The following FAT3 variants were observed in gnomAD, a reference collection of about 807,000 sequenced individuals.
The protein encoded by FAT3 is FAT atypical cadherin 3.
A neutral mutation model predicts 310.2 loss-of-function variants in FAT3; 95 were observed. That is an observed-to-expected ratio of 0.31 (90% CI 0.26 to 0.36). FAT3 has a LOEUF of 0.36. Ranked by LOEUF, FAT3 falls within the 10% of genes least tolerant of loss-of-function variation. The pLI, the probability that FAT3 is intolerant of heterozygous loss-of-function variation, is 1.00. For synonymous variants in FAT3, 2,314 were observed against 2,192.9 expected (o/e 1.06, Z -1.54); for missense variants, 5,408 against 5,715.6 (o/e 0.95, Z 1.74).
chr11:92,826,787 A>G (rs966513422), intron 13 of FAT3, among the ~76,000 whole-genome samples: 1 of 152,126 alleles, frequency 6.6e-6, no homozygotes, highest in East Asian at 1.9e-4. Context: ...TTTGTGTGCC[A>G]CCTGCAGGCT....
At position 92,896,236 on chromosome 11, in the gene FAT3, G is replaced by T. The variant is rs1950029307; in HGVS notation, c.*5123G>T. 6.6e-6 allele frequency: 1 copy of T among 151,134 alleles called. No homozygotes were observed. Among genetic ancestry groups the T allele is most frequent in the Non-Finnish European group, 1.5e-5 (1 of 67,910 alleles). The allele number at this position is 151,134 out of a possible 1,614,324, so 9.4% of individuals were successfully genotyped here. On this transcript the variant is annotated 3_prime_UTR_variant, in exon 28 of 28. Transcript: ENST00000525166. ...AAAGCTAACACTTAGAGTGGATTTTGTCCCTTAAGGAAATGGATTGTTCCT... is the reference window on the plus strand; with the variant it reads ...AAAGCTAACACTTAGAGTGGATTTTTTCCCTTAAGGAAATGGATTGTTCCT...
At chr11:92,276,195 T>C (rs1946265449) in intron 1 of FAT3, among the ~76,000 whole-genome samples, 1 of 152,210 alleles carries the variant, frequency 6.6e-6, no homozygotes, top group African/African-American at 2.4e-5. Flanking sequence ...CTTTTTTATT[T>C]GTATTAATAT....
In FAT3 at chr11:92,866,925, A is replaced by G. The variant is rs376272689; in HGVS notation, c.11843A>G (p.Gln3948Arg). ...CGGCGCCGGGCGCCCCTCTACTTCC[A>G]GACGCTGAGCACTGAGAGTAGCATC... ...VERRRAPLYFQTLSTESSIYF... is the reference protein window; with the variant it reads ...VERRRAPLYFRTLSTESSIYF... Residue 3948 changes from glutamine (Q) to arginine (R), a missense_variant, in exon 22 of 28, where the codon CAG becomes CGG. Physicochemically the swap from Gln to Arg is conservative, Grantham distance 43. This residue lies in a region of FAT3 where 4,588 missense variants were observed against 4,809.8 expected (regional missense o/e 0.95). Coordinates refer to ENST00000525166, the MANE Select transcript of FAT3 (RefSeq NM_001367949.2). 1.7e-4 allele frequency: 272 copies of G among 1,613,824 alleles called. No homozygotes were observed. The highest frequency in any genetic ancestry group is 2.2e-4 in the Non-Finnish European group (262 of 1,179,892).
intron 1 of FAT3, among the ~76,000 whole-genome samples, chr11:92,246,266 C>G (rs894419318): frequency 6.6e-6 from 1 of 151,884 alleles, no homozygotes; most frequent in Non-Finnish European, 1.5e-5. Flanking sequence ...TAAGAGGCTA[C>G]GAGGAAAACA....
At position 92,685,920 on chromosome 11, in the gene FAT3, A is replaced by G. The variant is rs563317056; in HGVS notation, c.3608-11464A>G. Among the ~76,000 whole-genome samples, 26 of 152,334 alleles carry G rather than the reference A, an allele frequency of 1.7e-4. 1 individual carries two copies. The Middle Eastern group carries it at 0.01, about 60-fold the overall frequency. On this transcript the variant is annotated intron_variant, in intron 3 of 27. Transcript: ENST00000525166. ...CAGCATTTCTTCCAAGGAGTTATAA[A>G]GCAGTTATAAATAATACTAATCTCT...
At chr11:92,824,858 C>T (rs3847535) in intron 13 of FAT3, among the ~76,000 whole-genome samples, 39,968 of 151,566 alleles carry the variant, frequency 0.26, 5,825 homozygotes, top group Non-Finnish European at 0.33. Context: ...AACTATATTT[C>T]TATGCCATTA....
At chr11:92,559,744 G>T (rs1162127951) in intron 3 of FAT3, among the ~76,000 whole-genome samples, 1 of 152,072 alleles carries the variant, frequency 6.6e-6, no homozygotes, top group Admixed American at 6.6e-5. Context: ...TTTGTGACTG[G>T]TTTCTTTCAC....
intron 2 of FAT3, among the ~76,000 whole-genome samples, chr11:92,519,396 A>T (rs1488681125): frequency 6.6e-6 from 1 of 152,168 alleles, no homozygotes; most frequent in Admixed American, 6.6e-5. Flanking sequence ...AAAATGGATC[A>T]TAGATATAAA....
intron 2 of FAT3, among the ~76,000 whole-genome samples, chr11:92,457,528 C>T (rs1450794699): frequency 6.6e-6 from 1 of 152,018 alleles, no homozygotes; most frequent in Non-Finnish European, 1.5e-5. Flanking sequence ...GAACATTAGT[C>T]GATATCCTGG....
chr11:92,564,794 CATA>C (rs2135481843), intron 3 of FAT3, among the ~76,000 whole-genome samples: 1 of 147,236 alleles, frequency 6.8e-6, no homozygotes, highest in South Asian at 2.3e-4. Context: ...CTACTGGGTA[CATA>C]ACGAAATGAA....
intron 4 of FAT3, among the ~76,000 whole-genome samples, chr11:92,761,636 A>T (rs1946153674): frequency 6.6e-6 from 1 of 152,164 alleles, no homozygotes; most frequent in South Asian, 2.1e-4. Context: ...GATCTCATTT[A>T]ACCTTAATAA....
chr11:92,659,066 A>G (rs2135786985), intron 3 of FAT3, among the ~76,000 whole-genome samples: 1 of 152,198 alleles, frequency 6.6e-6, no homozygotes, highest in South Asian at 2.1e-4. Flanking sequence ...TTCTTGTACT[A>G]CATGTCAAGC....
At chr11:92,460,818 T>C (rs1951619815) in intron 2 of FAT3, among the ~76,000 whole-genome samples, 1 of 152,222 alleles carries the variant, frequency 6.6e-6, no homozygotes, top group Admixed American at 6.5e-5. Context: ...GTTGTAGATA[T>C]GTAACAGGAA....
rs764561006 is a variant in FAT3 at position 92,801,253 on chromosome 11, G to A, written c.8240G>A (p.Arg2747Gln). 81 of 1,613,684 alleles carry A rather than the reference G, an allele frequency of 5.0e-5. No individual in the cohort carries two copies. The highest frequency in any genetic ancestry group is 6.3e-5 in the Non-Finnish European group (74 of 1,179,850). ...NVWFSTVNGE[R>Q]PENNKGGIFV... ...TGGTTCAGCACAGTTAATGGGGAAC[G>A]GCCAGAAAATAACAAAGGGGGCATA... Residue 2747 changes from arginine (R) to glutamine (Q), a missense_variant, in exon 10 of 28, where the codon CGG becomes CAG. Arg to Gln is a conservative substitution (Grantham distance 43). Transcript: ENST00000525166.
intron 4 of FAT3, among the ~76,000 whole-genome samples, chr11:92,727,644 C>A (rs2135989363): frequency 6.6e-6 from 1 of 152,232 alleles, no homozygotes; most frequent in South Asian, 2.1e-4. Flanking sequence ...CCGACATAGA[C>A]CATGGGCAGC....
chr11:92,809,395 G>A (rs558202151), intron 12 of FAT3, among the ~76,000 whole-genome samples: 1 of 152,286 alleles, frequency 6.6e-6, no homozygotes, highest in East Asian at 1.9e-4. Context: ...AGTATCTGGA[G>A]GCAAAGAGAC....
rs145040480 is a variant in FAT3 at position 92,614,605 on chromosome 11, T to A, written c.3608-82779T>A. ...ATAGCCGCTCATTTGGTATTCTGGA[T>A]AGAAATTCTTCGTATGATTTATGAT... is the stretch of plus-strand genomic sequence containing the variant. On this transcript the variant is annotated intron_variant, in intron 3 of 27. Coordinates refer to ENST00000525166, the MANE Select transcript of FAT3 (RefSeq NM_001367949.2). 3.9e-4 allele frequency among the ~76,000 whole-genome samples: 59 copies of A among 152,328 alleles called. No homozygotes were observed. In the East Asian group the frequency reaches 9.9e-3, roughly 25 times the overall value.
chr11:92,445,677 G>GT (rs1312316139), intron 2 of FAT3, among the ~76,000 whole-genome samples: 2 of 152,128 alleles, frequency 1.3e-5, no homozygotes, highest in African/African-American at 4.8e-5. Flanking sequence ...GTATATATGT[G>GT]TGTATGCATT....
At position 92,831,802 on chromosome 11, in the gene FAT3, C is replaced by G. The variant is rs773544802; in HGVS notation, c.9662C>G (p.Thr3221Ser). The change falls in exon 14 of 28, where the codon ACT becomes AGT. Residue 3221 changes from threonine (T) to serine (S), a missense_variant. Thr to Ser is a moderately conservative substitution (Grantham distance 58). Transcript: ENST00000525166. Reference sequence around the variant, plus strand: ...GGACAGTCCCTGTCCTCTCTCACTACTGTCACCATCACCGTTCTGGACATT... The same window carrying G: ...GGACAGTCCCTGTCCTCTCTCACTAGTGTCACCATCACCGTTCTGGACATT... Reference protein sequence around the residue: ...SPGQSLSSLTTVTITVLDIND... With the variant: ...SPGQSLSSLTSVTITVLDIND... The G allele has an allele frequency of 1.3e-5, 21 of 1,613,528 alleles. No homozygotes were observed. The highest frequency in any genetic ancestry group is 1.7e-5 in the Non-Finnish European group (20 of 1,179,800).
Sources: gnomAD v4.1 joint callset for allele counts (sites outside exome capture counted in the v4.1 genomes callset) on GRCh38, gnomAD v4.1.1 for gene constraint, gnomAD v4.1.1 regional missense constraint, MANE v1.5 for transcripts, NCBI Gene and HGNC (gene_info 2026-07-23, HGNC 2026-07-21) for gene names.